Variants in DPP10 observed in about 807,000 individuals in gnomAD.
The protein encoded by DPP10 is inactive dipeptidyl peptidase 10.
A neutral mutation model predicts 120.9 loss-of-function variants in DPP10; 33 were observed. The observed-to-expected ratio is 0.27, with a 90% CI of 0.21 to 0.37. The LOEUF (loss-of-function observed/expected upper bound fraction) is 0.37. Among genes scored for constraint, DPP10 ranks in the 10% least tolerant of loss-of-function variants. The pLI is 1.00. For synonymous variants in DPP10, 337 were observed against 326.1 expected (o/e 1.03, Z -0.36); for missense variants, 816 against 942.8 (o/e 0.87, Z 1.76).
At chr2:115,337,284 A>T (rs2063198449) in intron 2 of DPP10, among the ~76,000 whole-genome samples, 1 of 152,074 alleles carries the variant, frequency 6.6e-6, no homozygotes, top group East Asian at 1.9e-4. Flanking sequence ...TACACTAAGG[A>T]GTTGGATTTC....
intron 1 of DPP10, among the ~76,000 whole-genome samples, chr2:115,169,875 A>G (rs533553877): frequency 6.6e-6 from 1 of 152,316 alleles, no homozygotes; most frequent in South Asian, 2.1e-4. Context: ...TAGCAAATGA[A>G]GAAAAGGGAG....
chr2:115,564,744 C>G (rs1186758196), intron 5 of DPP10, among the ~76,000 whole-genome samples: 1 of 152,148 alleles, frequency 6.6e-6, no homozygotes, highest in African/African-American at 2.4e-5. Flanking sequence ...CAATTTGAAG[C>G]AGTGTTTTCC....
rs189240954 is a variant in DPP10 at position 114,754,367 on chromosome 2, A to G, written c.60+311529A>G. On this transcript the variant is annotated intron_variant, in intron 1 of 25. Coordinates refer to ENST00000410059, the MANE Select transcript of DPP10 (RefSeq NM_020868.6). ...GCTGTAGTCTTTTATATCATTGCCC[A>G]TTCAGTTCGCAGGCATTGAGAGCAT... Among the ~76,000 whole-genome samples the G allele has an allele frequency of 6.6e-5, 10 of 152,296 alleles. No homozygotes were observed. The East Asian group carries it at 1.9e-3, about 29-fold the overall frequency.
chr2:114,964,374 C>T (rs924168799), intron 1 of DPP10, among the ~76,000 whole-genome samples: 4 of 151,794 alleles, frequency 2.6e-5, no homozygotes, highest in Admixed American at 6.6e-5. Context: ...ACTGGAGAAA[C>T]GTAAAACGAA....
At chr2:114,875,230 T>C (rs1040572223) in intron 1 of DPP10, among the ~76,000 whole-genome samples, 1 of 152,144 alleles carries the variant, frequency 6.6e-6, no homozygotes, top group Admixed American at 6.6e-5. Flanking sequence ...TCATCAGATA[T>C]GTATTGAATC....
intron 1 of DPP10, among the ~76,000 whole-genome samples, chr2:114,831,946 C>CT: frequency 6.7e-6 from 1 of 150,278 alleles, no homozygotes; most frequent in East Asian, 1.9e-4. Flanking sequence ...TCTTCTCTCT[C>CT]TTTTTTTAAA....
At chr2:114,464,207 A>G (rs1424001342) in intron 1 of DPP10, among the ~76,000 whole-genome samples, 2 of 152,224 alleles carry the variant, frequency 1.3e-5, no homozygotes, top group African/African-American at 4.8e-5. Flanking sequence ...CGAAGTGGCT[A>G]TACCATTTTG....
At chr2:114,588,219 C>G (rs1691162694) in intron 1 of DPP10, among the ~76,000 whole-genome samples, 1 of 152,092 alleles carries the variant, frequency 6.6e-6, no homozygotes, top group Admixed American at 6.5e-5. Flanking sequence ...GAGAGAATGA[C>G]AGGGGTTTAT....
intron 5 of DPP10, among the ~76,000 whole-genome samples, chr2:115,686,006 A>T (rs753486669): frequency 2.6e-4 from 39 of 152,106 alleles, no homozygotes; most frequent in Non-Finnish European, 3.2e-4. Flanking sequence ...TCATAGACAT[A>T]TGCAGAATAA....
chr2:114,564,148 T>C (rs759070581), intron 1 of DPP10, among the ~76,000 whole-genome samples: 2 of 152,284 alleles, frequency 1.3e-5, no homozygotes, highest in African/African-American at 2.4e-5. Flanking sequence ...GATATTCTAA[T>C]GGTATTCAAA....
Position 115,122,869 on chromosome 2 carries a change from C to T in DPP10, c.61-186370C>T, listed in dbSNP as rs371744712. On this transcript the variant is annotated intron_variant, in intron 1 of 25. Transcript: ENST00000410059. Reference sequence around the variant, plus strand: ...CAGACTCCAAGGTCCTTCCCAACCCCATGAGTCACTCATCAGGGGGAGCTG... The same window carrying T: ...CAGACTCCAAGGTCCTTCCCAACCCTATGAGTCACTCATCAGGGGGAGCTG... Among the ~76,000 whole-genome samples the T allele has an allele frequency of 9.8e-5, 15 of 152,316 alleles. No homozygotes were observed. In the East Asian group the frequency reaches 2.5e-3, roughly 26 times the overall value.
chr2:114,916,915 AG>A (rs1694848672), intron 1 of DPP10, among the ~76,000 whole-genome samples: 1 of 152,234 alleles, frequency 6.6e-6, no homozygotes, highest in South Asian at 2.1e-4. Context: ...GAGCAAGACA[AG>A]AATGCCCACG....
chr2:114,767,232 T>TAAAA (rs1680809212), intron 1 of DPP10, among the ~76,000 whole-genome samples: 1 of 107,530 alleles, frequency 9.3e-6, no homozygotes, highest in African/African-American at 3.8e-5. Flanking sequence ...AAAAAAAAAG[T>TAAAA]TTTAAACTGA....
At chr2:115,040,231 T>A (rs958948148) in intron 1 of DPP10, among the ~76,000 whole-genome samples, 5 of 151,792 alleles carry the variant, frequency 3.3e-5, no homozygotes, top group Non-Finnish European at 7.4e-5. Context: ...CCAAACCATA[T>A]CACCAGGTGA....
chr2:115,287,126 A>G (rs951450327), intron 1 of DPP10, among the ~76,000 whole-genome samples: 11 of 152,228 alleles, frequency 7.2e-5, no homozygotes, highest in African/African-American at 1.4e-4. Flanking sequence ...TAAGGAAATG[A>G]TAAAGATAAC....
chr2:115,102,030 T>A (rs761721567), intron 1 of DPP10, among the ~76,000 whole-genome samples: 1 of 152,250 alleles, frequency 6.6e-6, no homozygotes, highest in Non-Finnish European at 1.5e-5. Context: ...GAAGTATTAG[T>A]CTGCTAGGGC....
rs980963144 is a variant in DPP10, at chr2:115,161,919, G to A, written c.61-147320G>A. 2.0e-5 allele frequency: 29 copies of A among 1,437,688 alleles called. No homozygotes were observed. In the African/African-American group the frequency reaches 4.3e-4, roughly 21 times the overall value. The allele number at this position is 1,437,688 out of a possible 1,614,324, so 89.1% of individuals were successfully genotyped here. ...AAGTGACGGTCCCCGAGTCTGAAGC[G>A]CCCGCGAGGAAGCGAGCGCCAGCGC... is the stretch of plus-strand genomic sequence containing the variant. On this transcript the variant is annotated intron_variant, in intron 1 of 25. Transcript: ENST00000410059.
intron 5 of DPP10, among the ~76,000 whole-genome samples, chr2:115,681,874 A>G (rs1209561966): frequency 1.3e-5 from 2 of 151,000 alleles, no homozygotes; most frequent in Non-Finnish European, 3.0e-5. Flanking sequence ...TAAGGAAAAC[A>G]CAAGCTAAGA....
At chr2:115,632,367 C>T (rs568867716) in intron 5 of DPP10, among the ~76,000 whole-genome samples, 111 of 152,206 alleles carry the variant, frequency 7.3e-4, no homozygotes, top group African/African-American at 2.4e-3. Context: ...TTGCCATTCT[C>T]TGTCTTTTGA....
Sources: gnomAD v4.1 joint callset for allele counts (sites outside exome capture counted in the v4.1 genomes callset) on GRCh38, gnomAD v4.1.1 for gene constraint, MANE v1.5 for transcripts, NCBI Gene and HGNC (gene_info 2026-07-23, HGNC 2026-07-21) for gene names.